Variants in GRIK2 observed in about 807,000 individuals in gnomAD.
GRIK2 encodes glutamate ionotropic receptor kainate type subunit 2.
A neutral mutation model predicts 100.3 loss-of-function variants in GRIK2; 32 were observed. The observed-to-expected ratio is 0.32, with a 90% CI of 0.24 to 0.43. GRIK2 has a LOEUF of 0.43. Ranked by LOEUF, GRIK2 falls within the 20% of genes least tolerant of loss-of-function variation. The probability of loss-of-function intolerance (pLI) is 1.00; values close to 1 mark genes in which losing one functional copy is unlikely to be tolerated. For missense variants in GRIK2, 843 were observed against 1,114.9 expected (o/e 0.76, Z 3.47); for synonymous variants, 417 against 389.4 (o/e 1.07, Z -0.83).
chr6:101,890,039 T>G lies in GRIK2; in HGVS notation c.1748+176T>G, dbSNP rs888578631. On this transcript the variant is annotated intron_variant, in intron 12 of 16. Transcript: ENST00000369134. ...TTATTAAAATGTACTGTCCTGTCTT[T>G]GTGGGCAGAGAGCATGCTGGTTGTG... 28 of 594,138 alleles carry G rather than the reference T, an allele frequency of 4.7e-5. No individual in the cohort carries two copies. In the African/African-American group the frequency reaches 5.0e-4, roughly 11 times the overall value. The allele number at this position is 594,138 out of a possible 1,614,324, so 36.8% of individuals were successfully genotyped here. A position where few individuals can be genotyped will look rare whatever the true frequency, so the allele number is the denominator to read the frequency against.
In GRIK2 at chr6:101,928,571, C is replaced by G; in HGVS notation, c.2024C>G (p.Ala675Gly). The G allele has an allele frequency of 6.2e-7, 1 of 1,608,706 alleles. No homozygotes were observed. The highest frequency in any genetic ancestry group is 8.5e-7 in the Non-Finnish European group (1 of 1,175,130). ...ESPIDSADDL[A>G]KQTKIEYGAV... ...CCTATTGACTCTGCTGATGATTTAG[C>G]TAAACAAACCAAGATAGAATATGGA... The change falls in exon 14 of 17, where the codon GCT becomes GGT. Residue 675 changes from alanine to glycine, a missense_variant. Coordinates refer to ENST00000369134, the MANE Select transcript of GRIK2 (RefSeq NM_021956.5).
chr6:101,796,675 A>T (rs991387537), intron 7 of GRIK2, among the ~76,000 whole-genome samples: 1 of 152,284 alleles, frequency 6.6e-6, no homozygotes, highest in South Asian at 2.1e-4. Flanking sequence ...TAGTTTGATC[A>T]GCGACTTTTA....
chr6:101,566,355 T>C (rs555941409), intron 2 of GRIK2, among the ~76,000 whole-genome samples: 30 of 152,202 alleles, frequency 2.0e-4, no homozygotes, highest in Non-Finnish European at 3.8e-4. Flanking sequence ...GAAAATACTT[T>C]CTGAGGGAAT....
intron 1 of GRIK2, among the ~76,000 whole-genome samples, chr6:101,398,451 C>T (rs1419634741): frequency 6.6e-6 from 1 of 152,176 alleles, no homozygotes; most frequent in Non-Finnish European, 1.5e-5. Context: ...GCATTCCAAT[C>T]TATATTCATT....
At chr6:101,710,395 G>A (rs557272995) in intron 7 of GRIK2, among the ~76,000 whole-genome samples, 21 of 151,968 alleles carry the variant, frequency 1.4e-4, no homozygotes, top group African/African-American at 5.1e-4. Context: ...TACCTCAAAA[G>A]GTGATTGTGA....
At chr6:101,630,421 G>A (rs1174915775) in intron 4 of GRIK2, among the ~76,000 whole-genome samples, 2 of 152,022 alleles carry the variant, frequency 1.3e-5, no homozygotes, top group African/African-American at 2.4e-5. Flanking sequence ...GTGTGAAATG[G>A]TATCTCATTG....
chr6:101,479,106 A>T (rs186731346), intron 2 of GRIK2, among the ~76,000 whole-genome samples: 2 of 152,274 alleles, frequency 1.3e-5, no homozygotes, highest in East Asian at 3.9e-4. Context: ...GGTTTTAAAA[A>T]CTTGGTTTTA....
chr6:101,978,330 A>G (rs894692769), intron 14 of GRIK2, among the ~76,000 whole-genome samples: 3 of 152,006 alleles, frequency 2.0e-5, no homozygotes, highest in African/African-American at 7.2e-5. Context: ...TTTTAAGAAT[A>G]GTATATGCAC....
intron 7 of GRIK2, among the ~76,000 whole-genome samples, chr6:101,722,698 T>C (rs1774568915): frequency 6.6e-6 from 1 of 152,046 alleles, no homozygotes; most frequent in Admixed American, 6.6e-5. Flanking sequence ...GTGTTTTTGT[T>C]AGGCAAGATG....
At chr6:101,780,654 T>C (rs1779027869) in intron 7 of GRIK2, among the ~76,000 whole-genome samples, 1 of 152,186 alleles carries the variant, frequency 6.6e-6, no homozygotes, top group Non-Finnish European at 1.5e-5. Flanking sequence ...CACTTCTCTC[T>C]TCCTCTGTTC....
chr6:101,684,891 G>A (rs563950208), intron 6 of GRIK2, among the ~76,000 whole-genome samples: 66 of 152,188 alleles, frequency 4.3e-4, no homozygotes, highest in Non-Finnish European at 6.2e-4. Flanking sequence ...TCTGGAATGA[G>A]AGTCTTATGA....
chr6:101,876,062 C>T (rs538894407), intron 11 of GRIK2, among the ~76,000 whole-genome samples: 4 of 150,924 alleles, frequency 2.7e-5, no homozygotes, highest in African/African-American at 7.3e-5. Flanking sequence ...ATCAACATTA[C>T]AAATAAAAAC....
At chr6:101,865,731 A>G (rs1169119092) in intron 11 of GRIK2, among the ~76,000 whole-genome samples, 14 of 151,992 alleles carry the variant, frequency 9.2e-5, no homozygotes, top group African/African-American at 3.4e-4. Flanking sequence ...TACTAAAAAT[A>G]CAAAAAAGTT....
intron 2 of GRIK2, among the ~76,000 whole-genome samples, chr6:101,520,901 CAA>C (rs1562197756): frequency 6.6e-6 from 1 of 151,918 alleles, no homozygotes; most frequent in African/African-American, 2.4e-5. Flanking sequence ...ATATTCAACT[CAA>C]AGTTTTCAAA....
intron 14 of GRIK2, among the ~76,000 whole-genome samples, chr6:102,020,737 C>G (rs2114362237): frequency 6.6e-6 from 1 of 151,766 alleles, no homozygotes; most frequent in African/African-American, 2.4e-5. Context: ...GCTTTTAGAA[C>G]AATTACAAAA....
At chr6:102,014,759 A>G (rs1451605255) in intron 14 of GRIK2, among the ~76,000 whole-genome samples, 2 of 152,090 alleles carry the variant, frequency 1.3e-5, no homozygotes, top group East Asian at 3.9e-4. Context: ...CAATTTTCTT[A>G]GTCTTGAATT....
intron 4 of GRIK2, among the ~76,000 whole-genome samples, chr6:101,652,322 C>T (rs1220677847): frequency 3.9e-5 from 6 of 152,262 alleles, no homozygotes; most frequent in African/African-American, 4.8e-5. Context: ...AGCTAGCTCA[C>T]TCTCCTTCTA....
At chr6:101,787,256 TTTTCA>T (rs769038604) in intron 7 of GRIK2, among the ~76,000 whole-genome samples, 14 of 151,922 alleles carry the variant, frequency 9.2e-5, no homozygotes, top group Non-Finnish European at 1.6e-4. Context: ...TTTTAAAGAC[TTTTCA>T]TTTCAATAAT....
chr6:101,462,459 A>C (rs1249772710), intron 2 of GRIK2, among the ~76,000 whole-genome samples: 1 of 149,330 alleles, frequency 6.7e-6, no homozygotes, highest in Non-Finnish European at 1.5e-5. Flanking sequence ...GCAAAAATAG[A>C]GTCAAGATAC....
Sources: allele counts gnomAD v4.1 joint callset (sites outside exome capture counted in the v4.1 genomes callset), GRCh38; gene constraint gnomAD v4.1.1; transcripts MANE v1.5; gene names NCBI Gene and HGNC (gene_info 2026-07-23, HGNC 2026-07-21).